The following SMYD3 variants were observed in gnomAD, a reference collection of about 807,000 sequenced individuals.
SMYD3 encodes SET and MYND domain containing 3, also known as histone-lysine N-methyltransferase SMYD3.
In SMYD3, 36 loss-of-function variants were observed where a neutral mutation model predicts 57.7. The observed-to-expected ratio is 0.62, with a 90% confidence interval of 0.48 to 0.82. SMYD3 has a LOEUF of 0.82. Among genes scored for constraint, SMYD3 ranks in the 40% least tolerant of loss-of-function variants. The pLI is 0.00. For missense variants in SMYD3, 515 were observed against 538.8 expected (o/e 0.96, Z 0.44); for synonymous variants, 211 against 195.0 (o/e 1.08, Z -0.68).
At chr1:245,856,993 T>C (rs1299931335) in intron 10 of SMYD3, among the ~76,000 whole-genome samples, 1 of 152,190 alleles carries the variant, frequency 6.6e-6, no homozygotes, top group East Asian at 1.9e-4. Context: ...AGAGGAAGCC[T>C]TATCTCTTTG....
chr1:245,796,127 T>C (rs1018510541), intron 10 of SMYD3, among the ~76,000 whole-genome samples: 4 of 152,146 alleles, frequency 2.6e-5, no homozygotes, highest in African/African-American at 9.7e-5. Flanking sequence ...TATGTACAGG[T>C]ATGGCCCAAT....
chr1:246,114,089 T>C (rs1307172047), intron 5 of SMYD3, among the ~76,000 whole-genome samples: 1 of 152,102 alleles, frequency 6.6e-6, no homozygotes, highest in Non-Finnish European at 1.5e-5. Flanking sequence ...TAGAACCCCA[T>C]TATCAGGAGG....
At chr1:245,884,674 T>G (rs2052981842) in intron 8 of SMYD3, among the ~76,000 whole-genome samples, 1 of 152,118 alleles carries the variant, frequency 6.6e-6, no homozygotes, top group Non-Finnish European at 1.5e-5. Flanking sequence ...CAGGACTTTC[T>G]GGGTTGAGTG....
chr1:246,273,572 A>C (rs1161260358), intron 5 of SMYD3, among the ~76,000 whole-genome samples: 2 of 114,920 alleles, frequency 1.7e-5, no homozygotes, highest in South Asian at 3.5e-4. Context: ...TGGTTTCACT[A>C]ATCTTTTTTT....
intron 10 of SMYD3, among the ~76,000 whole-genome samples, chr1:245,857,278 C>T (rs956568661): frequency 2.0e-5 from 3 of 152,208 alleles, no homozygotes; most frequent in African/African-American, 4.8e-5. Flanking sequence ...CTGCCGTCTT[C>T]GGGGTCCTTG....
At chr1:245,754,417 C>T (rs748273160) in intron 11 of SMYD3, among the ~76,000 whole-genome samples, 55 of 151,614 alleles carry the variant, frequency 3.6e-4, no homozygotes, top group African/African-American at 1.2e-3. Context: ...AATCAAATCA[C>T]GACGGGAAAA....
intron 5 of SMYD3, among the ~76,000 whole-genome samples, chr1:245,970,944 T>TG (rs2058284368): frequency 6.6e-6 from 1 of 152,352 alleles, no homozygotes; most frequent in South Asian, 2.1e-4. Flanking sequence ...ATCCCATTAC[T>TG]GGGTATATAC....
chr1:246,284,618 A>T (rs535155400), intron 5 of SMYD3, among the ~76,000 whole-genome samples: 1 of 151,462 alleles, frequency 6.6e-6, no homozygotes, highest in African/African-American at 2.4e-5. Context: ...GGGTTTCACC[A>T]TGTTAGCCAA....
intron 8 of SMYD3, among the ~76,000 whole-genome samples, chr1:245,909,255 G>A (rs1273153988): frequency 6.6e-6 from 1 of 152,102 alleles, no homozygotes; most frequent in Admixed American, 6.6e-5. Context: ...GTTAAACCGT[G>A]AAGAAAACAG....
At chr1:246,256,021 G>A (rs528604078) in intron 5 of SMYD3, among the ~76,000 whole-genome samples, 4 of 151,466 alleles carry the variant, frequency 2.6e-5, no homozygotes, top group African/African-American at 9.8e-5. Flanking sequence ...TAGATACATA[G>A]ATAGATACAT....
intron 1 of SMYD3, among the ~76,000 whole-genome samples, chr1:246,415,363 T>C (rs1179604237): frequency 2.0e-5 from 3 of 152,174 alleles, no homozygotes; most frequent in East Asian, 1.9e-4. Context: ...GCAATAATAA[T>C]AGATAAAATG....
intron 5 of SMYD3, among the ~76,000 whole-genome samples, chr1:245,966,126 A>G (rs2058140357): frequency 6.6e-6 from 1 of 152,060 alleles, no homozygotes; most frequent in Non-Finnish European, 1.5e-5. Context: ...CTTCTTCATC[A>G]TAATTATTTT....
chr1:246,080,051 C>T (rs1418058641), intron 5 of SMYD3, among the ~76,000 whole-genome samples: 2 of 151,830 alleles, frequency 1.3e-5, no homozygotes, highest in Non-Finnish European at 2.9e-5. Context: ...AACATCAGGG[C>T]TCTACACCAA....
intron 8 of SMYD3, among the ~76,000 whole-genome samples, chr1:245,902,912 C>T (rs2054286025): frequency 6.6e-6 from 1 of 152,148 alleles, no homozygotes; most frequent in African/African-American, 2.4e-5. Context: ...ACCAGATGCA[C>T]AGACGTAAGG....
intron 5 of SMYD3, among the ~76,000 whole-genome samples, chr1:246,107,160 G>A (rs1159050001): frequency 6.7e-5 from 10 of 149,482 alleles, no homozygotes; most frequent in Non-Finnish European, 8.9e-5. Context: ...GGTGGCAGGC[G>A]CCTGTAGTCC....
chr1:246,206,543 GA>G (rs1171118400), intron 5 of SMYD3, among the ~76,000 whole-genome samples: 1 of 151,848 alleles, frequency 6.6e-6, no homozygotes, highest in African/African-American at 2.4e-5. Context: ...TTGTATGCTT[GA>G]AAAAAAAGTT....
At chr1:245,952,208 G>GTT (rs1457500123) in intron 5 of SMYD3, among the ~76,000 whole-genome samples, 2 of 152,112 alleles carry the variant, frequency 1.3e-5, no homozygotes, top group Admixed American at 1.3e-4. Context: ...TGTAAAACTT[G>GTT]TTTGAAGGGG....
intron 1 of SMYD3, among the ~76,000 whole-genome samples, chr1:246,498,749 G>T (rs1338942682): frequency 7.4e-6 from 1 of 134,978 alleles, no homozygotes; most frequent in African/African-American, 2.9e-5. Flanking sequence ...AAAAAAAAAA[G>T]AACACACATA....
chr1:246,482,546 G>T (rs1326705358), intron 1 of SMYD3, among the ~76,000 whole-genome samples: 1 of 151,954 alleles, frequency 6.6e-6, no homozygotes, highest in East Asian at 1.9e-4. Flanking sequence ...CTCCCTAACT[G>T]CAGATTAGCA....
Sources: allele counts gnomAD v4.1 joint callset (sites outside exome capture counted in the v4.1 genomes callset), GRCh38; gene constraint gnomAD v4.1.1; transcripts MANE v1.5; gene names NCBI Gene and HGNC (gene_info 2026-07-23, HGNC 2026-07-21).